Variants in DLGAP1 observed in about 807,000 individuals in gnomAD.
DLGAP1 encodes the protein DLG associated protein 1.
In DLGAP1, 11 loss-of-function variants were observed where a neutral mutation model predicts 90.8. The ratio of observed to expected loss-of-function variants is 0.12; its 90% confidence interval spans 0.08 to 0.20. DLGAP1 has a LOEUF of 0.20. Ranked by LOEUF, DLGAP1 falls within the 10% of genes least tolerant of loss-of-function variation. The probability of loss-of-function intolerance (pLI) is 1.00; values close to 1 mark genes in which losing one functional copy is unlikely to be tolerated. For missense variants in DLGAP1, 1,050 were observed against 1,333.8 expected (o/e 0.79, Z 3.31); for synonymous variants, 558 against 540.7 (o/e 1.03, Z -0.44).
At chr18:3,581,373 G>A (rs1276389265) in intron 8 of DLGAP1, among the ~76,000 whole-genome samples, 1 of 152,132 alleles carries the variant, frequency 6.6e-6, no homozygotes, top group Non-Finnish European at 1.5e-5. Context: ...TGGGTGAGGT[G>A]GGAGAAGCCT....
At chr18:4,063,401 T>G (rs150391393) in intron 2 of DLGAP1, among the ~76,000 whole-genome samples, 1 of 152,136 alleles carries the variant, frequency 6.6e-6, no homozygotes, top group African/African-American at 2.4e-5. Context: ...TCTGACTATA[T>G]AAGATACAGA....
Position 3,535,072 on chromosome 18 carries a change from C to CTGTGTG in DLGAP1, c.2058-463_2058-458dup, listed in dbSNP as rs111975324. ...AGAAGTCTCATCTTCTCAATCTTCT[C>CTGTGTG]TGTGTGTGTGTGTGTGTGTGTGTGT... On this transcript the variant is annotated intron_variant, in intron 9 of 12. Coordinates refer to ENST00000315677, the MANE Select transcript of DLGAP1 (RefSeq NM_004746.4). Among the ~76,000 whole-genome samples the CTGTGTG allele has an allele frequency of 5.5e-3, 799 of 144,734 alleles. 5 individuals carry two copies. Among genetic ancestry groups the CTGTGTG allele is most frequent in the African/African-American group, 0.015 (577 of 39,004 alleles). The allele number at this position is 144,734 out of a possible 152,430, so 95.0% of individuals were successfully genotyped here.
intron 9 of DLGAP1, among the ~76,000 whole-genome samples, chr18:3,553,383 CTTTAT>C (rs779792293): frequency 4.6e-5 from 7 of 151,992 alleles, no homozygotes; most frequent in Non-Finnish European, 8.8e-5. Context: ...TTATGGGCGA[CTTTAT>C]TTTATTTCTG....
intron 1 of DLGAP1, among the ~76,000 whole-genome samples, chr18:4,224,113 G>A (rs571474396): frequency 6.6e-6 from 1 of 152,274 alleles, no homozygotes; most frequent in East Asian, 1.9e-4. Flanking sequence ...TGCCTTGAGT[G>A]GAAGAACTCA....
At chr18:4,077,306 T>G (rs774717982) in intron 2 of DLGAP1, among the ~76,000 whole-genome samples, 1 of 152,184 alleles carries the variant, frequency 6.6e-6, no homozygotes, top group Non-Finnish European at 1.5e-5. Context: ...ATGTTTAACT[T>G]CCTAAATCTT....
intron 1 of DLGAP1, among the ~76,000 whole-genome samples, chr18:4,160,747 TA>T (rs1431072401): frequency 6.6e-6 from 1 of 152,202 alleles, no homozygotes; most frequent in Non-Finnish European, 1.5e-5. Flanking sequence ...TGTGCAGATT[TA>T]TTTTTTATGA....
At chr18:4,257,589 GC>G (rs1359256142) in intron 1 of DLGAP1, among the ~76,000 whole-genome samples, 1 of 151,622 alleles carries the variant, frequency 6.6e-6, no homozygotes, top group Non-Finnish European at 1.5e-5. Flanking sequence ...AAGACCTAAA[GC>G]TCTTTTAACA....
chr18:4,325,799 G>T (rs540356791), intron 1 of DLGAP1, among the ~76,000 whole-genome samples: 1 of 152,198 alleles, frequency 6.6e-6, no homozygotes, highest in East Asian at 1.9e-4. Context: ...TAGGATAACT[G>T]GCTAGCCATA....
intron 1 of DLGAP1, among the ~76,000 whole-genome samples, chr18:4,299,071 A>C (rs1229749346): frequency 7.5e-6 from 1 of 133,350 alleles, no homozygotes; most frequent in Non-Finnish European, 1.5e-5. Context: ...ACAGAGCGAG[A>C]CTCTGTCTCA....
chr18:3,668,984 A>AAAAT (rs984944534), intron 7 of DLGAP1, among the ~76,000 whole-genome samples: 6 of 152,080 alleles, frequency 3.9e-5, no homozygotes, highest in Admixed American at 2.6e-4. Flanking sequence ...ACTCTGTCTC[A>AAAAT]AAATAAATAA....
At chr18:4,284,461 A>G (rs1366761879) in intron 1 of DLGAP1, among the ~76,000 whole-genome samples, 1 of 152,162 alleles carries the variant, frequency 6.6e-6, no homozygotes, top group Non-Finnish European at 1.5e-5. Flanking sequence ...TACCAAGGCT[A>G]AAATGGAGTG....
intron 3 of DLGAP1, among the ~76,000 whole-genome samples, chr18:3,930,862 G>A (rs1434711041): frequency 6.6e-6 from 1 of 152,156 alleles, no homozygotes; most frequent in African/African-American, 2.4e-5. Context: ...TCAAAATATC[G>A]TGAGGCAGAG....
At chr18:3,802,106 T>A (rs1400050386) in intron 5 of DLGAP1, among the ~76,000 whole-genome samples, 1 of 152,162 alleles carries the variant, frequency 6.6e-6, no homozygotes, top group African/African-American at 2.4e-5. Flanking sequence ...TGCCTCAGCC[T>A]CCCAAGTAGC....
chr18:4,242,810 C>T (rs1418604818), intron 1 of DLGAP1, among the ~76,000 whole-genome samples: 1 of 151,956 alleles, frequency 6.6e-6, no homozygotes, highest in African/African-American at 2.4e-5. Context: ...GCATGTAGTA[C>T]CCATGTGAGG....
At chr18:4,021,770 T>C (rs2074614104) in intron 2 of DLGAP1, among the ~76,000 whole-genome samples, 1 of 152,054 alleles carries the variant, frequency 6.6e-6, no homozygotes, top group East Asian at 1.9e-4. Flanking sequence ...GGCTAATTTT[T>C]GTATTTTTAG....
intron 3 of DLGAP1, among the ~76,000 whole-genome samples, chr18:3,900,530 C>T (rs2071758093): frequency 6.6e-6 from 1 of 152,204 alleles, no homozygotes; most frequent in South Asian, 2.1e-4. Context: ...ACCCCAATGC[C>T]AGGCACAGAG....
At chr18:4,270,551 C>A (rs1031234459) in intron 1 of DLGAP1, among the ~76,000 whole-genome samples, 3 of 152,030 alleles carry the variant, frequency 2.0e-5, no homozygotes, top group African/African-American at 7.2e-5. Context: ...TCACACAAAA[C>A]TAATAATTTT....
chr18:3,670,337 T>C (rs2060044656), intron 7 of DLGAP1, among the ~76,000 whole-genome samples: 1 of 152,058 alleles, frequency 6.6e-6, no homozygotes, highest in Admixed American at 6.6e-5. Context: ...AGAGAAGAGG[T>C]TAGAAAATGG....
At chr18:3,858,537 C>A (rs932590230) in intron 4 of DLGAP1, among the ~76,000 whole-genome samples, 1 of 148,038 alleles carries the variant, frequency 6.8e-6, no homozygotes, top group African/African-American at 2.5e-5. Context: ...TGCACACACA[C>A]ACACACACAT....
Sources: gnomAD v4.1 joint callset for allele counts (sites outside exome capture counted in the v4.1 genomes callset) on GRCh38, gnomAD v4.1.1 for gene constraint, MANE v1.5 for transcripts, NCBI Gene and HGNC (gene_info 2026-07-23, HGNC 2026-07-21) for gene names.